The following FNTB variants were observed in gnomAD, a reference collection of about 807,000 sequenced individuals.
FNTB encodes protein farnesyltransferase subunit beta.
In FNTB, 27 loss-of-function variants were observed where a neutral mutation model predicts 59.4. That is an observed-to-expected ratio of 0.45 (90% confidence interval 0.34 to 0.63). The LOEUF is 0.63. Ranked by LOEUF, FNTB falls within the 20% of genes least tolerant of loss-of-function variation. The pLI is 0.02. For missense variants in FNTB, 449 were observed against 559.6 expected, an observed-to-expected ratio of 0.80 and a Z score of 1.99; for synonymous variants, 230 against 220.7, an observed-to-expected ratio of 1.04 and a Z score of -0.37.
intron 8 of FNTB, among the ~76,000 whole-genome samples, chr14:65,043,782 AC>A (rs2062407073): frequency 1.5e-5 from 2 of 132,914 alleles, no homozygotes; most frequent in Admixed American, 8.6e-5. Flanking sequence ...AGATTGCGCC[AC>A]TGCAGTCCGC....
chr14:65,043,675 A>G (rs1300774597), intron 8 of FNTB, among the ~76,000 whole-genome samples: 4 of 150,870 alleles, frequency 2.7e-5, no homozygotes, highest in African/African-American at 9.8e-5. Context: ...ACAAAAAATT[A>G]GCCGGGCGCG....
intron 11 of FNTB, among the ~76,000 whole-genome samples, chr14:65,057,075 T>A (rs2062752097): frequency 6.6e-6 from 1 of 152,028 alleles, no homozygotes; most frequent in Non-Finnish European, 1.5e-5. Context: ...AGAGCAAGAG[T>A]GAGAGCTCAC....
At chr14:65,038,508 A>G (rs2062267013) in intron 7 of FNTB, among the ~76,000 whole-genome samples, 1 of 152,048 alleles carries the variant, frequency 6.6e-6, no homozygotes. Flanking sequence ...TCACGAGGTC[A>G]GGAGTTCGAA....
At chr14:65,005,643 C>T (rs2061576262) in intron 2 of FNTB, among the ~76,000 whole-genome samples, 1 of 151,012 alleles carries the variant, frequency 6.6e-6, no homozygotes, top group Admixed American at 6.6e-5. Flanking sequence ...CCGGTCCTGC[C>T]CTGCCCTGCC....
intron 9 of FNTB, among the ~76,000 whole-genome samples, chr14:65,048,995 A>T (rs2062548971): frequency 6.6e-6 from 1 of 151,866 alleles, no homozygotes; most frequent in Non-Finnish European, 1.5e-5. Flanking sequence ...GCATGGTGCC[A>T]CGTTGCCTGT....
chr14:65,002,346 C>T (rs868328234), intron 1 of FNTB, among the ~76,000 whole-genome samples: 7 of 152,206 alleles, frequency 4.6e-5, no homozygotes, highest in African/African-American at 9.7e-5. Flanking sequence ...TGGTGGCTCA[C>T]GCCTGTAATC....
intron 7 of FNTB, among the ~76,000 whole-genome samples, chr14:65,035,677 G>C (rs761904568): frequency 2.0e-5 from 3 of 151,736 alleles, no homozygotes; most frequent in Non-Finnish European, 4.4e-5. Context: ...CAACAAGCGC[G>C]TGCCACCATA....
intron 8 of FNTB, among the ~76,000 whole-genome samples, chr14:65,042,613 G>A (rs1316492465): frequency 1.3e-5 from 2 of 152,240 alleles, no homozygotes; most frequent in Admixed American, 6.5e-5. Flanking sequence ...TGGTCTGGGG[G>A]TTAGGGACCC....
At chr14:64,992,538 C>T (rs1319808883) in intron 1 of FNTB, among the ~76,000 whole-genome samples, 2 of 152,180 alleles carry the variant, frequency 1.3e-5, no homozygotes, top group Non-Finnish European at 2.9e-5. Flanking sequence ...ATGTTCAGTT[C>T]TTGAGATACA....
intron 7 of FNTB, 97 bp from the exon 8 acceptor site, chr14:65,040,693 A>G: frequency 2.1e-6 from 3 of 1,407,326 alleles, no homozygotes; most frequent in Non-Finnish European, 2.8e-6. Context: ...TCACACCTTA[A>G]TCTGAGTGAA....
chr14:65,014,104 A>G lies in FNTB; in HGVS notation c.283-1521A>G, dbSNP rs2061730216. Among the ~76,000 whole-genome samples the G allele has an allele frequency of 6.6e-6, 1 of 152,132 alleles. No individual in the cohort carries two copies. The highest frequency in any genetic ancestry group is 1.5e-5 in the Non-Finnish European group (1 of 68,014). On this transcript the variant is annotated intron_variant, in intron 3 of 11. Coordinates refer to ENST00000246166, the MANE Select transcript of FNTB (RefSeq NM_002028.4). The surrounding 1 kb of genome is among the most constrained non-coding windows in gnomAD (Gnocchi z 5.1). ...GAAGAGAGCAGCTTGGGCCAACGGAAAGAACACTGGATTGACTCTAAAAAC... is the reference window on the plus strand; with the variant it reads ...GAAGAGAGCAGCTTGGGCCAACGGAGAGAACACTGGATTGACTCTAAAAAC...
intron 4 of FNTB, among the ~76,000 whole-genome samples, chr14:65,025,544 A>G (rs1256778712): frequency 1.3e-5 from 2 of 152,186 alleles, no homozygotes; most frequent in Non-Finnish European, 1.5e-5. Flanking sequence ...GCTGGGCATG[A>G]TGGCTCACAC....
intron 9 of FNTB, among the ~76,000 whole-genome samples, chr14:65,050,448 AGGCGT>A (rs2062581053): frequency 6.6e-6 from 1 of 152,128 alleles, no homozygotes; most frequent in African/African-American, 2.4e-5. Context: ...AAAATTAGCC[AGGCGT>A]GGGGGCTTGT....
chr14:64,987,748 T>G (rs1183066135), intron 1 of FNTB, among the ~76,000 whole-genome samples: 1 of 152,194 alleles, frequency 6.6e-6, no homozygotes, highest in Non-Finnish European at 1.5e-5. Flanking sequence ...AGAATGGATT[T>G]TGGACTACTA....
At position 65,031,824 on chromosome 14, in the gene FNTB, T is replaced by G. The variant is rs1595059989; in HGVS notation, c.606-786T>G. Among the ~76,000 whole-genome samples, 1 of 152,068 alleles carries G rather than the reference T, an allele frequency of 6.6e-6. No homozygotes were observed. The highest frequency in any genetic ancestry group is 2.0e-4 in the East Asian group (1 of 5,102). Reference sequence around the variant, plus strand: ...TAATCCCAGCTACTTGGGAGGCTGATACAGGAGAATTGCTTGAACCCAGGA... The same window carrying G: ...TAATCCCAGCTACTTGGGAGGCTGAGACAGGAGAATTGCTTGAACCCAGGA... On this transcript the variant is annotated intron_variant, in intron 6 of 11. Coordinates refer to ENST00000246166, the MANE Select transcript of FNTB (RefSeq NM_002028.4). This position sits in a 1 kb window ranked among gnomAD's most constrained non-coding sequence, Gnocchi z 4.6.
At chr14:65,002,226 C>T (rs2061531670) in intron 1 of FNTB, among the ~76,000 whole-genome samples, 1 of 152,236 alleles carries the variant, frequency 6.6e-6, no homozygotes, top group South Asian at 2.1e-4. Flanking sequence ...ACCAGACGCT[C>T]CCTCATTACT....
At position 65,019,105 on chromosome 14, in the gene FNTB, G is replaced by A. The variant is rs192713846; in HGVS notation, c.374+3389G>A. ...GGAGACTCGCTTGAACCCGGGAGGCGGAGGTTGCGGTGAGCCAAGATTGCA... is the reference window on the plus strand; with the variant it reads ...GGAGACTCGCTTGAACCCGGGAGGCAGAGGTTGCGGTGAGCCAAGATTGCA... On this transcript the variant is annotated intron_variant, in intron 4 of 11. Transcript: ENST00000246166. 3.2e-4 allele frequency among the ~76,000 whole-genome samples: 48 copies of A among 152,120 alleles called. 3 individuals are homozygous for A. The East Asian group carries it at 8.1e-3, about 26-fold the overall frequency.
intron 2 of FNTB, among the ~76,000 whole-genome samples, chr14:65,010,030 C>T (rs1043842657): frequency 6.6e-6 from 1 of 152,154 alleles, no homozygotes; most frequent in Non-Finnish European, 1.5e-5. Flanking sequence ...GTCTGGCCTT[C>T]TCTTGTTTAC....
At position 65,028,768 on chromosome 14, in the gene FNTB, G is replaced by T. The variant is rs567833511; in HGVS notation, c.605+987G>T. Among the ~76,000 whole-genome samples, 3 of 152,184 alleles carry T rather than the reference G, an allele frequency of 2.0e-5. No individual in the cohort carries two copies. The highest frequency in any genetic ancestry group is 4.4e-5 in the Non-Finnish European group (3 of 68,040). ...CAGTGAAACCAGTAGAACGACTGAG[G>T]TAAATCAGTATGTGTTGATTCTTCT... On this transcript the variant is annotated intron_variant, in intron 6 of 11. Transcript: ENST00000246166. This position sits in a 1 kb window ranked among gnomAD's most constrained non-coding sequence, Gnocchi z 4.4.
Sources: gnomAD v4.1 joint callset for allele counts (sites outside exome capture counted in the v4.1 genomes callset) on GRCh38, gnomAD v4.1.1 for gene constraint, Gnocchi (gnomAD v3.1) non-coding constraint, MANE v1.5 for transcripts, NCBI Gene and HGNC (gene_info 2026-07-23, HGNC 2026-07-21) for gene names.